The following MAN1B1 variants were observed in gnomAD, a reference collection of about 807,000 sequenced individuals.
MAN1B1 encodes the protein mannosidase alpha class 1B member 1.
Under a neutral mutation model 75.5 loss-of-function variants are expected in MAN1B1, and 66 were observed. The ratio of observed to expected loss-of-function variants is 0.87; its 90% CI spans 0.72 to 1.07. The LOEUF (loss-of-function observed/expected upper bound fraction) is 1.07, where lower values mean the gene tolerates loss of function less well. MAN1B1 is among the 50% of genes least tolerant of loss of function. MAN1B1 has a pLI of 0.00. For synonymous variants in MAN1B1, 453 were observed against 382.8 expected (o/e 1.18, Z -2.14); for missense variants, 973 against 912.5 (o/e 1.07, Z -0.85).
chr9:137,101,129 G>A lies in MAN1B1; in HGVS notation c.1041G>A (p.Gly347=). The stretch of plus-strand genomic sequence containing the variant: ...TCCTGAGTGCCTACCACCTGTCTGG[G>A]GACAGCCTCTTCCTGAGGAAAGCTG... ...GGLLSAYHLS[G]DSLFLRKAED... The change falls in exon 7 of 13, where the codon GGG becomes GGA. Residue 347 remains glycine, a synonymous_variant. Transcript: ENST00000371589. 1 of 1,614,050 alleles carries A rather than the reference G, an allele frequency of 6.2e-7. No homozygotes were observed. Among genetic ancestry groups the A allele is most frequent in the Non-Finnish European group, 8.5e-7 (1 of 1,180,032 alleles).
At chr9:137,090,309 C>G (rs911505879) in intron 3 of MAN1B1, among the ~76,000 whole-genome samples, 4 of 152,102 alleles carry the variant, frequency 2.6e-5, no homozygotes, top group African/African-American at 9.7e-5. Context: ...TTGGGAGCTT[C>G]ACCTGTGGCC....
intron 2 of MAN1B1, chr9:137,088,667 G>T: frequency 1.4e-6 from 1 of 730,414 alleles, no homozygotes; most frequent in South Asian, 1.7e-5. Context: ...GGGGTTCTGT[G>T]TTATGGACAA....
rs1464508776 is a variant in MAN1B1, at chr9:137,109,045, G to A, written c.*454G>A. 8.7e-6 allele frequency: 4 copies of A among 457,836 alleles called. No individual in the cohort carries two copies. Among genetic ancestry groups the A allele is most frequent in the African/African-American group, 4.0e-5 (2 of 50,104 alleles). The allele number at this position is 457,836 out of a possible 1,614,324, so 28.4% of individuals were successfully genotyped here. A position where few individuals can be genotyped will look rare whatever the true frequency, so the allele number is the denominator to read the frequency against. On this transcript the variant is annotated 3_prime_UTR_variant, in exon 13 of 13. Transcript: ENST00000371589. ...GCCTGAGGCTCCAGGGCTGGCTCTG[G>A]TGTTTACAAGCTGGACTCAGGGATC...
intron 8 of MAN1B1, chr9:137,102,935 TGCA>T (rs1830919190): frequency 1.6e-5 from 7 of 427,318 alleles, no homozygotes; most frequent in Non-Finnish European, 2.7e-5. Flanking sequence ...GTTGCAGGCA[TGCA>T]GGTCGGTGGT....
rs140883989 is a variant in MAN1B1 at position 137,107,400 on chromosome 9, C to G, written c.1717C>G (p.His573Asp). The G allele has an allele frequency of 6.2e-7, 1 of 1,613,468 alleles. No individual in the cohort carries two copies. Among genetic ancestry groups the G allele is most frequent in the Non-Finnish European group, 8.5e-7 (1 of 1,179,998 alleles). Residue 573 changes from histidine to aspartate, a missense_variant, in exon 11 of 13, where the codon CAC becomes GAC. Transcript: ENST00000371589. ...METGLSPEIV[H>D]FNLYPQPGRR... is the part of the protein sequence containing the mutation. ...GACGGGGCTGAGTCCCGAGATCGTG[C>G]ACTTCAACCTTTACCCCCAGCCGGG...
At chr9:137,107,824 C>T (rs1359039466) in intron 12 of MAN1B1, 162 bp downstream of exon 12, 2 of 878,952 alleles carry the variant, frequency 2.3e-6, no homozygotes, top group African/African-American at 1.7e-5. Context: ...AGCTTGGGGG[C>T]CCTGGCATCC....
Position 137,108,675 on chromosome 9 carries a change from AC to A in MAN1B1, c.*86del. 7.7e-7 allele frequency: 1 copy of A among 1,304,976 alleles called. No individual in the cohort carries two copies. The highest frequency in any genetic ancestry group is 1.1e-6 in the Non-Finnish European group (1 of 902,996). 80.8% of individuals were successfully genotyped at this position (1,304,976 alleles called of 1,614,324 possible). A position where few individuals can be genotyped will look rare whatever the true frequency, so the allele number is the denominator to read the frequency against. On this transcript the variant is annotated 3_prime_UTR_variant, in exon 13 of 13. Coordinates refer to ENST00000371589, the MANE Select transcript of MAN1B1 (RefSeq NM_016219.5). ...GGCATTTTCCAAGGGCCCACGTAGC[AC>A]CGGCAACCGCCAAGTGGCCCAGGCT...
At chr9:137,107,079 G>A in intron 10 of MAN1B1, 171 bp from the exon 11 acceptor site, 1 of 793,790 alleles carries the variant, frequency 1.3e-6, no homozygotes, top group Non-Finnish European at 2.0e-6. Flanking sequence ...GGCCGGGTTG[G>A]AGGGCCTGGT....
intron 8 of MAN1B1, chr9:137,102,054 T>C (rs747165323): frequency 2.7e-5 from 12 of 450,148 alleles, no homozygotes; most frequent in South Asian, 1.5e-4. Context: ...GTTACACACA[T>C]GCTGTTGCAG....
At chr9:137,089,377 A>G (rs1483139829) in intron 3 of MAN1B1, 2 of 347,664 alleles carry the variant, frequency 5.8e-6, no homozygotes, top group Admixed American at 8.3e-5. Context: ...GGTGAAGAAC[A>G]GTGGCTGGTC....
intron 8 of MAN1B1, chr9:137,102,513 C>A (rs1830883496): frequency 2.4e-6 from 1 of 408,892 alleles, no homozygotes; most frequent in African/African-American, 2.5e-5. Flanking sequence ...GTGTTACACA[C>A]ATTCACGCTG....
intron 3 of MAN1B1, among the ~76,000 whole-genome samples, chr9:137,091,604 G>A (rs2130992956): frequency 7.2e-6 from 1 of 139,528 alleles, no homozygotes; most frequent in Non-Finnish European, 1.5e-5. Flanking sequence ...TCAGGTCACT[G>A]CAAGCTCCAC....
chr9:137,107,212 G>A (rs778421768), intron 10 of MAN1B1, 38 bp from the exon 11 acceptor site: 42 of 1,603,092 alleles, frequency 2.6e-5, no homozygotes, highest in Non-Finnish European at 3.2e-5. Flanking sequence ...TGAGGGCAGG[G>A]CCTGGGATCT....
At chr9:137,101,232 C>A in intron 7 of MAN1B1, 79 bp downstream of exon 7, 1 of 1,550,862 alleles carries the variant, frequency 6.4e-7, no homozygotes, top group South Asian at 1.1e-5. Flanking sequence ...CTTGTGGGGA[C>A]GTGACTGTCT....
At chr9:137,104,128 C>T (rs1287759941) in intron 8 of MAN1B1, 3 of 450,708 alleles carry the variant, frequency 6.7e-6, no homozygotes, top group Non-Finnish European at 4.5e-6. Context: ...CACACAGTGA[C>T]CCTTCATGTC....
At chr9:137,090,324 T>G (rs1377007167) in intron 3 of MAN1B1, among the ~76,000 whole-genome samples, 1 of 151,890 alleles carries the variant, frequency 6.6e-6, no homozygotes, top group Admixed American at 6.6e-5. Flanking sequence ...GTGGCCAGAG[T>G]CCTCAGCGCC....
At chr9:137,093,380 G>A (rs895838450) in intron 3 of MAN1B1, among the ~76,000 whole-genome samples, 1 of 151,904 alleles carries the variant, frequency 6.6e-6, no homozygotes, top group Admixed American at 6.6e-5. Flanking sequence ...ACTCAGTCTC[G>A]AAAAAGAAAA....
chr9:137,102,773 C>T, intron 8 of MAN1B1: 1 of 449,628 alleles, frequency 2.2e-6, no homozygotes, highest in Non-Finnish European at 4.4e-6. Context: ...TGCAGGCGTG[C>T]AGGTCGGTGG....
intron 4 of MAN1B1, among the ~76,000 whole-genome samples, chr9:137,096,707 T>A (rs1830661774): frequency 6.6e-6 from 1 of 152,164 alleles, no homozygotes; most frequent in African/African-American, 2.4e-5. Flanking sequence ...CTGGGCCACC[T>A]CCTTTCCCGA....
Sources: allele counts gnomAD v4.1 joint callset (sites outside exome capture counted in the v4.1 genomes callset), GRCh38; gene constraint gnomAD v4.1.1; transcripts MANE v1.5; gene names NCBI Gene and HGNC (gene_info 2026-07-23, HGNC 2026-07-21).